Variants in CNTN1 observed in about 807,000 individuals in gnomAD.
CNTN1 encodes contactin 1.
A neutral mutation model predicts 126.4 loss-of-function variants in CNTN1; 38 were observed. That is an observed-to-expected ratio of 0.30 (90% CI 0.23 to 0.39). The LOEUF (loss-of-function observed/expected upper bound fraction) is 0.39, where lower values mean the gene tolerates loss of function less well. Ranked by LOEUF, CNTN1 falls within the 10% of genes least tolerant of loss-of-function variation. The probability of loss-of-function intolerance (pLI) is 1.00; values close to 1 mark genes in which losing one functional copy is unlikely to be tolerated. For missense variants in CNTN1, 1,009 were observed against 1,248.4 expected, an observed-to-expected ratio of 0.81 and a Z score of 2.89; for synonymous variants, 413 against 422.6, an observed-to-expected ratio of 0.98 and a Z score of 0.28.
chr12:40,888,169 A>G (rs1479114275), intron 1 of CNTN1, among the ~76,000 whole-genome samples: 1 of 152,028 alleles, frequency 6.6e-6, no homozygotes, highest in Non-Finnish European at 1.5e-5. Context: ...TATAATAATA[A>G]TAATAAAGAG....
intron 7 of CNTN1, 52 bp downstream of exon 7, chr12:40,930,054 T>C (rs1399932103): frequency 7.7e-7 from 1 of 1,305,204 alleles, no homozygotes; most frequent in East Asian, 2.3e-5. Context: ...CTACATATGG[T>C]ATACTTACCG....
chr12:41,010,632 C>A (rs1189843290), intron 17 of CNTN1, among the ~76,000 whole-genome samples: 1 of 152,100 alleles, frequency 6.6e-6, no homozygotes, highest in Non-Finnish European at 1.5e-5. Context: ...ATAAACTTGT[C>A]CCTTAGGATG....
chr12:40,806,970 T>G lies in CNTN1; in HGVS notation c.-76-101387T>G, dbSNP rs139725733. Among the ~76,000 whole-genome samples the G allele has an allele frequency of 1.2e-3, 182 of 152,260 alleles. 1 individual carries two copies. The highest frequency in any genetic ancestry group is 4.2e-3 in the African/African-American group (176 of 41,562). On this transcript the variant is annotated intron_variant, in intron 1 of 23. Transcript: ENST00000551295. ...GCAATATTCTTTGCAGCTTTCTACA[T>G]CCTAAATGAAGGCTAGTTATAGAAC...
At chr12:40,742,873 A>G (rs558343388) in intron 1 of CNTN1, among the ~76,000 whole-genome samples, 2 of 152,208 alleles carry the variant, frequency 1.3e-5, no homozygotes, top group East Asian at 3.9e-4. Flanking sequence ...CTAATATTGG[A>G]TGAGACAATG....
At chr12:40,888,041 C>T (rs1028490270) in intron 1 of CNTN1, among the ~76,000 whole-genome samples, 5 of 150,282 alleles carry the variant, frequency 3.3e-5, no homozygotes, top group African/African-American at 1.2e-4. Flanking sequence ...GGAGGGATAG[C>T]ATTAGGAGAT....
intron 17 of CNTN1, among the ~76,000 whole-genome samples, chr12:40,998,961 C>A (rs1215975784): frequency 6.6e-6 from 1 of 152,042 alleles, no homozygotes; most frequent in Non-Finnish European, 1.5e-5. Flanking sequence ...AAGAGCTTAT[C>A]TTCATATACT....
chr12:40,781,947 C>A (rs1167419427), intron 1 of CNTN1, among the ~76,000 whole-genome samples: 1 of 151,916 alleles, frequency 6.6e-6, no homozygotes, highest in Admixed American at 6.6e-5. Flanking sequence ...TTAATGGGCT[C>A]TTTCTGTTCT....
intron 1 of CNTN1, among the ~76,000 whole-genome samples, chr12:40,895,755 AT>A (rs35784846): frequency 0.31 from 37,285 of 121,608 alleles, 4,361 homozygotes; most frequent in Middle Eastern, 0.38. Flanking sequence ...GTGCTTCAAG[AT>A]TTTTTTTTTT....
intron 17 of CNTN1, among the ~76,000 whole-genome samples, chr12:40,999,169 T>C (rs555791088): frequency 1.1e-4 from 16 of 152,086 alleles, no homozygotes; most frequent in Admixed American, 5.2e-4. Context: ...AATTTTTAGA[T>C]CTATGACTGA....
chr12:40,774,986 A>G (rs1007544798), intron 1 of CNTN1, among the ~76,000 whole-genome samples: 2 of 151,674 alleles, frequency 1.3e-5, no homozygotes, highest in African/African-American at 4.8e-5. Context: ...AGTATTTATC[A>G]TTTCTTTGTA....
At position 40,789,678 on chromosome 12, in the gene CNTN1, T is replaced by TGGTGAGGCAAGA; in HGVS notation, c.-77+97086_-77+97087insGGTGAGGCAAGA. ...CATTTTGAGATATTTTGAGTTCATA[T>TGGTGAGGCAAGA]ATACCTAAATTTTAATATCCTATTT... is the stretch of plus-strand genomic sequence containing the variant. On this transcript the variant is annotated intron_variant, in intron 1 of 23. Coordinates refer to ENST00000551295, the MANE Select transcript of CNTN1 (RefSeq NM_001843.4). Among the ~76,000 whole-genome samples, 2 of 149,820 alleles carry TGGTGAGGCAAGA rather than the reference T, an allele frequency of 1.3e-5. 1 individual carries two copies. The highest frequency in any genetic ancestry group is 3.9e-4 in the East Asian group (2 of 5,066).
chr12:41,044,282 T>C (rs1029763532), intron 23 of CNTN1, among the ~76,000 whole-genome samples: 3 of 152,090 alleles, frequency 2.0e-5, no homozygotes, highest in African/African-American at 7.2e-5. Flanking sequence ...GCTGACAAGA[T>C]GGATACTGAG....
At chr12:40,986,620 G>A (rs1346601636) in intron 16 of CNTN1, among the ~76,000 whole-genome samples, 3 of 152,002 alleles carry the variant, frequency 2.0e-5, no homozygotes, top group African/African-American at 4.8e-5. Context: ...CAGAGTGCTC[G>A]GGCTTTTTAC....
chr12:40,694,312 C>G lies in CNTN1; in HGVS notation c.-77+1720C>G, dbSNP rs141302799. ...CTTTTTCATATCACATCTATTTGTA[C>G]TATGTGAACTTTCTTTTATAGATTG... On this transcript the variant is annotated intron_variant, in intron 1 of 23. Transcript: ENST00000551295. Among the ~76,000 whole-genome samples the G allele has an allele frequency of 3.3e-5, 5 of 152,276 alleles. No individual in the cohort carries two copies. In the East Asian group the frequency reaches 9.6e-4, roughly 29 times the overall value.
intron 1 of CNTN1, among the ~76,000 whole-genome samples, chr12:40,702,395 T>C (rs371375895): frequency 2.2e-4 from 34 of 152,332 alleles, no homozygotes; most frequent in African/African-American, 7.9e-4. Context: ...CAGTTTTGTG[T>C]TATTACTGAT....
intron 1 of CNTN1, among the ~76,000 whole-genome samples, chr12:40,833,442 T>C (rs1592137619): frequency 6.6e-6 from 1 of 152,266 alleles, no homozygotes; most frequent in East Asian, 1.9e-4. Flanking sequence ...CTGTTGTCTT[T>C]AACAAACCTA....
intron 1 of CNTN1, among the ~76,000 whole-genome samples, chr12:40,846,866 TA>T (rs1942525877): frequency 6.7e-6 from 1 of 149,588 alleles, no homozygotes; most frequent in South Asian, 2.1e-4. Flanking sequence ...TATTTTTTTT[TA>T]TTATTTTTAT....
At chr12:40,850,549 A>C in intron 1 of CNTN1, among the ~76,000 whole-genome samples, 1 of 152,160 alleles carries the variant, frequency 6.6e-6, no homozygotes, top group Non-Finnish European at 1.5e-5. Flanking sequence ...TGCATTAAAA[A>C]AAAAAGCTTT....
chr12:40,743,541 A>T (rs1213361995), intron 1 of CNTN1, among the ~76,000 whole-genome samples: 1 of 152,062 alleles, frequency 6.6e-6, no homozygotes, highest in African/African-American at 2.4e-5. Flanking sequence ...AAGGCTAAGT[A>T]TTTAGAATGG....
Sources: allele counts gnomAD v4.1 joint callset (sites outside exome capture counted in the v4.1 genomes callset), GRCh38; gene constraint gnomAD v4.1.1; transcripts MANE v1.5; gene names NCBI Gene and HGNC (gene_info 2026-07-23, HGNC 2026-07-21).